TMEM117: variants seen among roughly 807,000 people sequenced by gnomAD.
TMEM117 encodes transmembrane protein 117.
TMEM117 carries 27 observed loss-of-function variants against 52.4 expected under a neutral mutation model. That is an observed-to-expected ratio of 0.51 (90% CI 0.38 to 0.71). The LOEUF (loss-of-function observed/expected upper bound fraction) is 0.71, where lower values mean the gene tolerates loss of function less well. Among genes scored for constraint, TMEM117 ranks in the 30% least tolerant of loss-of-function variants. The pLI, the probability that TMEM117 is intolerant of heterozygous loss-of-function variation, is 0.00. For synonymous variants in TMEM117, 215 were observed against 206.3 expected, an observed-to-expected ratio of 1.04 and a Z score of -0.36; for missense variants, 556 against 630.5, an observed-to-expected ratio of 0.88 and a Z score of 1.26.
intron 3 of TMEM117, among the ~76,000 whole-genome samples, chr12:44,122,582 G>A (rs555878135): frequency 6.6e-6 from 1 of 152,200 alleles, no homozygotes; most frequent in East Asian, 1.9e-4. Flanking sequence ...CCCTCTGAGA[G>A]GCCCCAGTGC....
chr12:43,952,284 G>A (rs956155925), intron 3 of TMEM117, among the ~76,000 whole-genome samples: 3 of 152,148 alleles, frequency 2.0e-5, no homozygotes, highest in African/African-American at 7.2e-5. Flanking sequence ...CAGGGCTGAA[G>A]CTGAGATGGA....
At chr12:44,291,806 G>A (rs530027597) in intron 5 of TMEM117, among the ~76,000 whole-genome samples, 13 of 152,044 alleles carry the variant, frequency 8.6e-5, no homozygotes, top group African/African-American at 3.1e-4. Context: ...ATTGATTTGT[G>A]TAAGCTAACA....
the TMEM117 span, among the ~76,000 whole-genome samples, chr12:43,823,009 C>T: frequency 6.6e-6 from 1 of 151,972 alleles, no homozygotes; most frequent in African/African-American, 2.4e-5. Flanking sequence ...CCACAGTACA[C>T]GTTTAAGGGA....
At chr12:44,283,608 A>T (rs1337751320) in intron 5 of TMEM117, among the ~76,000 whole-genome samples, 1 of 152,126 alleles carries the variant, frequency 6.6e-6, no homozygotes, top group Non-Finnish European at 1.5e-5. Flanking sequence ...TGTATCTAGG[A>T]AGTAACTAGC....
intron 2 of TMEM117, among the ~76,000 whole-genome samples, chr12:43,931,593 A>C (rs1565756651): frequency 1.3e-5 from 2 of 152,240 alleles, no homozygotes; most frequent in African/African-American, 2.4e-5. Flanking sequence ...ACAGATTTCA[A>C]ATATTTTACA....
intron 2 of TMEM117, among the ~76,000 whole-genome samples, chr12:43,906,482 G>T (rs1483043830): frequency 2.0e-5 from 3 of 151,578 alleles, no homozygotes; most frequent in Admixed American, 2.0e-4. Flanking sequence ...AAAAGAAAGC[G>T]GGGGAGGAGC....
chr12:44,253,391 C>T (rs1317039098), intron 5 of TMEM117, among the ~76,000 whole-genome samples: 2 of 152,130 alleles, frequency 1.3e-5, no homozygotes, highest in African/African-American at 4.8e-5. Flanking sequence ...AAAGTTCAGT[C>T]TATCCTAAGG....
chr12:44,352,033 T>A (rs1951569164), intron 6 of TMEM117, among the ~76,000 whole-genome samples: 1 of 151,948 alleles, frequency 6.6e-6, no homozygotes, highest in Admixed American at 6.6e-5. Context: ...TGACTAAATT[T>A]ATCTTCCTTT....
At chr12:44,024,003 T>C (rs1298129192) in intron 3 of TMEM117, among the ~76,000 whole-genome samples, 2 of 152,168 alleles carry the variant, frequency 1.3e-5, no homozygotes, top group Non-Finnish European at 2.9e-5. Context: ...TTAACTATTA[T>C]TATTTTCCAT....
chr12:44,343,692 T>C (rs1951447102), intron 6 of TMEM117, among the ~76,000 whole-genome samples: 1 of 152,162 alleles, frequency 6.6e-6, no homozygotes, highest in Non-Finnish European at 1.5e-5. Context: ...AATTATACAC[T>C]TAAAAATGAT....
chr12:43,991,479 T>TA (rs1945940218), intron 3 of TMEM117, among the ~76,000 whole-genome samples: 1 of 147,304 alleles, frequency 6.8e-6, no homozygotes, highest in African/African-American at 2.7e-5. Flanking sequence ...CTATCTAATC[T>TA]ATCTCTGTCT....
At chr12:44,124,024 C>G (rs1948281654) in intron 3 of TMEM117, among the ~76,000 whole-genome samples, 1 of 147,636 alleles carries the variant, frequency 6.8e-6, no homozygotes, top group African/African-American at 2.7e-5. Flanking sequence ...TAGATTCTTT[C>G]TATCCATGAG....
At chr12:43,979,763 G>C (rs1013101404) in intron 3 of TMEM117, among the ~76,000 whole-genome samples, 2 of 152,058 alleles carry the variant, frequency 1.3e-5, no homozygotes, top group South Asian at 4.2e-4. Context: ...TATTCTATAT[G>C]GCTGGCTTTA....
intron 3 of TMEM117, among the ~76,000 whole-genome samples, chr12:43,965,809 G>A (rs190921380): frequency 2.0e-4 from 31 of 152,222 alleles, no homozygotes; most frequent in African/African-American, 7.5e-4. Context: ...ACATGGTATT[G>A]CGTGACACTG....
At chr12:44,171,108 C>A (rs952266719) in intron 4 of TMEM117, among the ~76,000 whole-genome samples, 1 of 151,096 alleles carries the variant, frequency 6.6e-6, no homozygotes, top group African/African-American at 2.4e-5. Flanking sequence ...CTCCACCTCC[C>A]GGGTTCACGC....
rs373522038 is a variant in TMEM117 at position 43,970,327 on chromosome 12, T to G, written c.410+25985T>G. 6.8e-4 allele frequency among the ~76,000 whole-genome samples: 104 copies of G among 152,138 alleles called. No homozygotes were observed. In the South Asian group the frequency reaches 0.021, roughly 31 times the overall value. ...TTTTTGAGATGGAGTCTTGCTCTGT[T>G]GCCCAGGCTGGAGTGCAGTGGCTCC... On this transcript the variant is annotated intron_variant, in intron 3 of 7. Transcript: ENST00000266534.
intron 2 of TMEM117, among the ~76,000 whole-genome samples, chr12:43,934,609 A>G (rs1447758775): frequency 1.3e-5 from 2 of 151,910 alleles, no homozygotes; most frequent in African/African-American, 4.8e-5. Flanking sequence ...CCTTTTTTTT[A>G]TAGAACCTCT....
intron 3 of TMEM117, among the ~76,000 whole-genome samples, chr12:43,956,464 T>C (rs1945307519): frequency 1.4e-5 from 2 of 138,386 alleles, no homozygotes; most frequent in South Asian, 4.6e-4. Context: ...CACAACCCTG[T>C]TAAAAAGTGG....
chr12:44,146,023 A>G (rs1438863437), intron 4 of TMEM117, among the ~76,000 whole-genome samples: 1 of 151,964 alleles, frequency 6.6e-6, no homozygotes, highest in Non-Finnish European at 1.5e-5. Context: ...TTGGTTCATT[A>G]TTATTATTTT....
Sources: gnomAD v4.1 joint callset for allele counts (sites outside exome capture counted in the v4.1 genomes callset) on GRCh38, gnomAD v4.1.1 for gene constraint, MANE v1.5 for transcripts, NCBI Gene and HGNC (gene_info 2026-07-23, HGNC 2026-07-21) for gene names.